The following HCRTR2 variants were observed in gnomAD, a reference collection of about 807,000 sequenced individuals.
HCRTR2 encodes hypocretin receptor 2.
A neutral mutation model predicts 49.0 loss-of-function variants in HCRTR2; 22 were observed. The ratio of observed to expected loss-of-function variants is 0.45; its 90% CI spans 0.32 to 0.64. The LOEUF (loss-of-function observed/expected upper bound fraction) is 0.64. Ranked by LOEUF, HCRTR2 falls within the 30% of genes least tolerant of loss-of-function variation. The pLI, the probability that HCRTR2 is intolerant of heterozygous loss-of-function variation, is 0.04. For synonymous variants in HCRTR2, 236 were observed against 205.3 expected, an observed-to-expected ratio of 1.15 and a Z score of -1.28; for missense variants, 491 against 559.4, an observed-to-expected ratio of 0.88 and a Z score of 1.23.
Position 55,163,685 on chromosome 6 carries a change from C to T in HCRTR2, c.-377-10526C>T, listed in dbSNP as rs188860133. Among the ~76,000 whole-genome samples, 25 of 152,202 alleles carry T rather than the reference C, an allele frequency of 1.6e-4. 1 individual carries two copies. The East Asian group carries it at 4.6e-3, about 28-fold the overall frequency. The stretch of plus-strand genomic sequence containing the variant: ...AAACCATAAGAACCCTAGAAGAAAA[C>T]CTAGGAAATACCATTCAGGCCATAG... On this transcript the variant is annotated intron_variant, in intron 1 of 7. Coordinates refer to the HCRTR2 transcript ENST00000615358.
intron 1 of HCRTR2, among the ~76,000 whole-genome samples, chr6:55,167,077 G>T (rs554105666): frequency 1.3e-5 from 2 of 152,100 alleles, no homozygotes; most frequent in Non-Finnish European, 2.9e-5. Context: ...AGTGCTGATG[G>T]TGACACAACA....
At chr6:55,212,038 A>G (rs1158286988) in intron 1 of HCRTR2, among the ~76,000 whole-genome samples, 1 of 152,200 alleles carries the variant, frequency 6.6e-6, no homozygotes. Flanking sequence ...AAAAAGTGTT[A>G]CATTAATAAA....
At chr6:55,219,179 A>G (rs545805071) in intron 1 of HCRTR2, among the ~76,000 whole-genome samples, 1 of 152,312 alleles carries the variant, frequency 6.6e-6, no homozygotes, top group African/African-American at 2.4e-5. Flanking sequence ...AGCGGATTGA[A>G]CAACGTAGAC....
intron 1 of HCRTR2, among the ~76,000 whole-genome samples, chr6:55,162,399 C>G (rs1482506740): frequency 1.3e-5 from 2 of 152,172 alleles, no homozygotes; most frequent in African/African-American, 4.8e-5. Context: ...TGGGCAAAAG[C>G]TGGAAGCATT....
chr6:55,221,101 C>T (rs138535622), intron 1 of HCRTR2, among the ~76,000 whole-genome samples: 66 of 152,014 alleles, frequency 4.3e-4, no homozygotes, highest in Admixed American at 2.8e-3. Flanking sequence ...TTAGAAAACT[C>T]GATATTGTTA....
intron 1 of HCRTR2, among the ~76,000 whole-genome samples, chr6:55,114,566 T>C (rs1404779799): frequency 1.3e-5 from 2 of 151,772 alleles, no homozygotes; most frequent in African/African-American, 4.8e-5. Context: ...ATTTCTACCC[T>C]CTGTATTTGC....
intron 1 of HCRTR2, among the ~76,000 whole-genome samples, chr6:55,217,414 T>C (rs1167734333): frequency 6.6e-6 from 1 of 152,296 alleles, no homozygotes; most frequent in East Asian, 1.9e-4. Flanking sequence ...TGCTCCTGAA[T>C]TGGCCAAAAG....
intron 1 of HCRTR2, among the ~76,000 whole-genome samples, chr6:55,185,313 T>C (rs1288028602): frequency 6.6e-6 from 1 of 152,170 alleles, no homozygotes; most frequent in Non-Finnish European, 1.5e-5. Context: ...GATCTGGTTC[T>C]TTGAAATCAT....
chr6:55,265,247 C>A (rs1766840066), intron 4 of HCRTR2, among the ~76,000 whole-genome samples: 1 of 152,084 alleles, frequency 6.6e-6, no homozygotes, highest in African/African-American at 2.4e-5. Flanking sequence ...CCCTATGAAG[C>A]CAATGCTTAT....
intron 1 of HCRTR2, among the ~76,000 whole-genome samples, chr6:55,137,468 A>T (rs1482824515): frequency 6.6e-6 from 1 of 152,092 alleles, no homozygotes. Flanking sequence ...AATTAATTAA[A>T]TTTTTTCCTG....
chr6:55,177,530 A>C (rs1765062115), intron 1 of HCRTR2, among the ~76,000 whole-genome samples: 1 of 152,186 alleles, frequency 6.6e-6, no homozygotes, highest in Admixed American at 6.5e-5. Flanking sequence ...ATGCAATATT[A>C]AGTATGAAGG....
At chr6:55,182,498 TACGGTCTGTTAACA>T (rs1290796715) in intron 1 of HCRTR2, among the ~76,000 whole-genome samples, 1 of 152,120 alleles carries the variant, frequency 6.6e-6, no homozygotes, top group Non-Finnish European at 1.5e-5. Context: ...AGAGAGGAAA[TACGGTCTGTTAACA>T]ACCTCATGTG....
intron 1 of HCRTR2, among the ~76,000 whole-genome samples, chr6:55,122,764 A>T (rs1213993576): frequency 6.6e-6 from 1 of 152,086 alleles, no homozygotes; most frequent in Non-Finnish European, 1.5e-5. Flanking sequence ...TGACACATGT[A>T]CACCATGGAA....
At position 55,111,092 on chromosome 6, in the gene HCRTR2, C is replaced by T. The variant is rs559991383; in HGVS notation, c.-378+4547C>T. Among the ~76,000 whole-genome samples, 7 of 152,108 alleles carry T rather than the reference C, an allele frequency of 4.6e-5. No individual in the cohort carries two copies. The East Asian group carries it at 1.4e-3, about 29-fold the overall frequency. ...AGGAACTCTCAAAACCATGCAAATA[C>T]ATGGAAATTAAATAACGTGCTCCTG... On this transcript the variant is annotated intron_variant, in intron 1 of 7. Coordinates refer to the HCRTR2 transcript ENST00000615358.
intron 1 of HCRTR2, among the ~76,000 whole-genome samples, chr6:55,110,120 A>G (rs1354160783): frequency 1.3e-5 from 2 of 152,080 alleles, no homozygotes; most frequent in Non-Finnish European, 2.9e-5. Flanking sequence ...CCAGTGACTA[A>G]GGTTCATAAA....
intron 2 of HCRTR2, among the ~76,000 whole-genome samples, chr6:55,251,948 T>C (rs1182860013): frequency 6.6e-6 from 1 of 152,084 alleles, no homozygotes; most frequent in African/African-American, 2.4e-5. Context: ...CTTGAGCTAA[T>C]ATCAGAATCC....
intron 1 of HCRTR2, among the ~76,000 whole-genome samples, chr6:55,160,028 C>G (rs959992060): frequency 3.9e-5 from 6 of 152,064 alleles, no homozygotes; most frequent in Admixed American, 3.9e-4. Context: ...CCCCAAGACA[C>G]ATAATTGTCA....
At chr6:55,190,777 A>T (rs977002296) in intron 1 of HCRTR2, among the ~76,000 whole-genome samples, 2 of 152,190 alleles carry the variant, frequency 1.3e-5, no homozygotes, top group Non-Finnish European at 2.9e-5. Context: ...GAAAACAAAA[A>T]CAGGAGTGCA....
At chr6:55,203,366 T>A (rs996062837) in intron 1 of HCRTR2, among the ~76,000 whole-genome samples, 5 of 152,190 alleles carry the variant, frequency 3.3e-5, no homozygotes, top group African/African-American at 7.2e-5. Context: ...GGGGTTTTAG[T>A]TTATTTGCTT....
Sources: allele counts gnomAD v4.1 joint callset (sites outside exome capture counted in the v4.1 genomes callset), GRCh38; gene constraint gnomAD v4.1.1; transcripts MANE v1.5; gene names NCBI Gene and HGNC (gene_info 2026-07-23, HGNC 2026-07-21).